KDM2A: variants seen among roughly 807,000 people sequenced by gnomAD.
KDM2A encodes lysine-specific demethylase 2A.
KDM2A carries 3 observed loss-of-function variants against 137.3 expected under a neutral mutation model. That is an observed-to-expected ratio of 0.02 (90% CI 0.01 to 0.06). The LOEUF is 0.06. KDM2A is among the 10% of genes least tolerant of loss of function. The pLI is 1.00. For synonymous variants in KDM2A, 512 were observed against 541.5 expected, an observed-to-expected ratio of 0.95 and a Z score of 0.76; for missense variants, 738 against 1,510.6, an observed-to-expected ratio of 0.49 and a Z score of 8.48.
chr11:67,191,084 G>A (rs951404845), intron 5 of KDM2A, among the ~76,000 whole-genome samples: 4 of 151,778 alleles, frequency 2.6e-5, no homozygotes, highest in Admixed American at 6.6e-5. Flanking sequence ...CGTTGCTGTC[G>A]CCAGGCTGGA....
rs1378470342 is a variant in KDM2A, at chr11:67,252,915, A to G, written c.2932+58A>G. 8 of 1,544,022 alleles carry G rather than the reference A, an allele frequency of 5.2e-6. No homozygotes were observed. The East Asian group carries it at 1.8e-4, about 35-fold the overall frequency. ...GGGCCCAGAAGAAGCGGGCAAGAAA[A>G]GTTGCATTATTGGCAGTGCTTCTTA... is the stretch of plus-strand genomic sequence containing the variant. On this transcript the variant is annotated intron_variant, in intron 18 of 20. Transcript: ENST00000529006.
At chr11:67,170,473 C>T (rs1305793701) in intron 2 of KDM2A, among the ~76,000 whole-genome samples, 4 of 132,232 alleles carry the variant, frequency 3.0e-5, no homozygotes, top group Non-Finnish European at 4.6e-5. Flanking sequence ...AGTGCAGTGG[C>T]GCGATCTCAG....
intron 2 of KDM2A, among the ~76,000 whole-genome samples, chr11:67,136,724 A>G (rs1292470105): frequency 6.6e-6 from 1 of 152,182 alleles, no homozygotes; most frequent in Non-Finnish European, 1.5e-5. Flanking sequence ...GGTATAGGGA[A>G]CAGGCAATGC....
chr11:67,201,725 A>C (rs537815955), intron 5 of KDM2A, among the ~76,000 whole-genome samples: 1 of 132,848 alleles, frequency 7.5e-6, no homozygotes, highest in Non-Finnish European at 1.5e-5. Flanking sequence ...CCAAGATCAC[A>C]CCACCCCACC....
rs1291181809 is a variant in KDM2A at position 67,255,524 on chromosome 11, C to A, written c.*469C>A. 2.2e-6 allele frequency: 1 copy of A among 457,078 alleles called. No individual in the cohort carries two copies. The highest frequency in any genetic ancestry group is 4.4e-6 in the Non-Finnish European group (1 of 227,208). The allele number at this position is 457,078 out of a possible 1,614,324, so 28.3% of individuals were successfully genotyped here. On this transcript the variant is annotated 3_prime_UTR_variant, in exon 21 of 21. Coordinates refer to ENST00000529006, the MANE Select transcript of KDM2A (RefSeq NM_012308.3). ...GCGCGTCTCTCCTCCATCACACTCT[C>A]CCGGCTTGCGCAGGAGGGGCCAGCA...
intron 5 of KDM2A, among the ~76,000 whole-genome samples, chr11:67,184,495 G>C (rs12785906): frequency 0.033 from 5,059 of 152,246 alleles, 121 homozygotes; most frequent in Non-Finnish European, 0.055. Flanking sequence ...GGGCGTGGTG[G>C]TGGGCGCCTG....
At position 67,121,305 on chromosome 11, in the gene KDM2A, G is replaced by A. The variant is rs1023767583; in HGVS notation, c.-12G>A. Reference sequence around the variant, plus strand: ...TGGTTTCTTTACAGTAATTTCAACAGAAGAGTGAGAGATGGAACCCGAAGA... The same window carrying A: ...TGGTTTCTTTACAGTAATTTCAACAAAAGAGTGAGAGATGGAACCCGAAGA... On this transcript the variant is annotated 5_prime_UTR_variant, in exon 2 of 21. Transcript: ENST00000529006. The A allele has an allele frequency of 6.2e-7, 1 of 1,613,548 alleles. No homozygotes were observed. The highest frequency in any genetic ancestry group is 8.5e-7 in the Non-Finnish European group (1 of 1,179,522).
chr11:67,121,590 T>C (rs571390394), intron 2 of KDM2A, among the ~76,000 whole-genome samples: 1 of 152,330 alleles, frequency 6.6e-6, no homozygotes, highest in South Asian at 2.1e-4. Context: ...CCTTTAGCTT[T>C]TATAGAAACC....
intron 8 of KDM2A, among the ~76,000 whole-genome samples, chr11:67,216,181 T>C (rs550392250): frequency 6.6e-6 from 1 of 152,348 alleles, no homozygotes; most frequent in Admixed American, 6.5e-5. Flanking sequence ...TAAATCTCAA[T>C]AGTCCTGTTT....
At chr11:67,168,582 TACAC>T (rs71056179) in intron 2 of KDM2A, among the ~76,000 whole-genome samples, 3 of 33,980 alleles carry the variant, frequency 8.8e-5, no homozygotes, top group African/African-American at 4.0e-4. Context: ...GTATGAATTA[TACAC>T]ACACACACAC....
intron 5 of KDM2A, among the ~76,000 whole-genome samples, chr11:67,201,538 A>T (rs1444014788): frequency 1.3e-5 from 2 of 151,874 alleles, no homozygotes; most frequent in Non-Finnish European, 2.9e-5. Flanking sequence ...TGGGAGGCCA[A>T]GGTGGGCAGA....
Position 67,121,371 on chromosome 11 carries a change from TC to T in KDM2A, c.42+19del. 1 of 1,611,618 alleles carries T rather than the reference TC, an allele frequency of 6.2e-7. No individual in the cohort carries two copies. Among genetic ancestry groups the T allele is most frequent in the Non-Finnish European group, 8.5e-7 (1 of 1,177,870 alleles). On this transcript the variant is annotated intron_variant, in intron 2 of 20. Coordinates refer to ENST00000529006, the MANE Select transcript of KDM2A (RefSeq NM_012308.3). ...CAGCCAGAGATTGGTTAGTATTTTCTCCCCCCACCACACCCTCCAGTTTTAA... is the reference window on the plus strand; with the variant it reads ...CAGCCAGAGATTGGTTAGTATTTTCTCCCCCACCACACCCTCCAGTTTTAA...
intron 10 of KDM2A, among the ~76,000 whole-genome samples, chr11:67,223,429 G>T (rs1376144729): frequency 6.6e-6 from 1 of 150,932 alleles, no homozygotes; most frequent in Admixed American, 6.6e-5. Flanking sequence ...TTGACACAGG[G>T]TCTCACTCTG....
intron 11 of KDM2A, among the ~76,000 whole-genome samples, chr11:67,228,684 G>T (rs1338008305): frequency 8.0e-6 from 1 of 125,060 alleles, no homozygotes; most frequent in Admixed American, 8.8e-5. Context: ...AAACCCTGTT[G>T]CGAAAAAAAA....
chr11:67,208,477 A>T (rs1857880409), intron 6 of KDM2A, among the ~76,000 whole-genome samples: 1 of 151,980 alleles, frequency 6.6e-6, no homozygotes, highest in Non-Finnish European at 1.5e-5. Flanking sequence ...GAATATTAAA[A>T]TTCAACCTTG....
chr11:67,218,473 T>G (rs911183167), intron 9 of KDM2A, among the ~76,000 whole-genome samples: 66 of 152,304 alleles, frequency 4.3e-4, no homozygotes, highest in African/African-American at 1.5e-3. Flanking sequence ...ACAGGCCTCA[T>G]GCAGCCCAGG....
chr11:67,163,804 C>T (rs561644801), intron 2 of KDM2A, among the ~76,000 whole-genome samples: 10 of 151,078 alleles, frequency 6.6e-5, no homozygotes, highest in African/African-American at 2.4e-4. Context: ...TGCAGTGAGC[C>T]GAGATAGCAC....
chr11:67,131,520 T>A (rs944788512), intron 2 of KDM2A, among the ~76,000 whole-genome samples: 6 of 150,062 alleles, frequency 4.0e-5, no homozygotes, highest in African/African-American at 1.5e-4. Context: ...CAGGCAATTC[T>A]CCTGCCTCAG....
intron 2 of KDM2A, among the ~76,000 whole-genome samples, chr11:67,168,584 C>T (rs1456082395): frequency 0.73 from 3,389 of 4,622 alleles, 1,526 homozygotes; most frequent in South Asian, 0.8. Context: ...ATGAATTATA[C>T]ACACACACAC....
Sources: allele counts gnomAD v4.1 joint callset (sites outside exome capture counted in the v4.1 genomes callset), GRCh38; gene constraint gnomAD v4.1.1; transcripts MANE v1.5; gene names NCBI Gene and HGNC (gene_info 2026-07-23, HGNC 2026-07-21).